DNAH14: variants seen among roughly 807,000 people sequenced by gnomAD.
The protein encoded by DNAH14 is axonemal beta dynein heavy chain 14.
DNAH14 carries 478 observed loss-of-function variants against 520.9 expected under a neutral mutation model. That is an observed-to-expected ratio of 0.92 (90% CI 0.85 to 0.99). The LOEUF is 0.99. DNAH14 is among the 50% of genes least tolerant of loss of function. The pLI is 0.00. For missense variants in DNAH14, 4,831 were observed against 5,234.5 expected (o/e 0.92, Z 2.38); for synonymous variants, 1,581 against 1,757.2 (o/e 0.90, Z 2.51).
chr1:225,237,389 G>C (rs1035659082), intron 42 of DNAH14, among the ~76,000 whole-genome samples: 2 of 152,078 alleles, frequency 1.3e-5, no homozygotes, highest in Non-Finnish European at 2.9e-5. Flanking sequence ...TAGTTTGACT[G>C]GATATGAAAT....
At chr1:225,331,992 T>C (rs2094808602) in intron 65 of DNAH14, among the ~76,000 whole-genome samples, 1 of 151,856 alleles carries the variant, frequency 6.6e-6, no homozygotes, top group Non-Finnish European at 1.5e-5. Flanking sequence ...TGAAAGTAAG[T>C]TTATTAAGAA....
intron 35 of DNAH14, among the ~76,000 whole-genome samples, chr1:225,167,113 G>T (rs1371503718): frequency 2.0e-5 from 3 of 152,166 alleles, no homozygotes; most frequent in Admixed American, 2.0e-4. Flanking sequence ...ACTTAAGAGA[G>T]CAATTCCATT....
chr1:225,343,497 G>A (rs2095234226), intron 69 of DNAH14, among the ~76,000 whole-genome samples: 1 of 152,062 alleles, frequency 6.6e-6, no homozygotes, highest in Non-Finnish European at 1.5e-5. Flanking sequence ...TCCAAAAAGA[G>A]ATATGTGTTA....
At chr1:225,078,925 G>A (rs1282425050) in intron 17 of DNAH14, among the ~76,000 whole-genome samples, 1 of 139,370 alleles carries the variant, frequency 7.2e-6, no homozygotes, top group Non-Finnish European at 1.5e-5. Flanking sequence ...GGTAAGATGT[G>A]CTTGCTTCCC....
chr1:225,159,840 T>C (rs1265145219), intron 35 of DNAH14, among the ~76,000 whole-genome samples: 1 of 152,192 alleles, frequency 6.6e-6, no homozygotes, highest in Non-Finnish European at 1.5e-5. Flanking sequence ...AAAACTTAAA[T>C]TGTAAATATT....
At chr1:225,284,935 A>G (rs1558264771) in intron 54 of DNAH14, among the ~76,000 whole-genome samples, 1 of 151,230 alleles carries the variant, frequency 6.6e-6, no homozygotes, top group Non-Finnish European at 1.5e-5. Flanking sequence ...ATCCAACACC[A>G]TTTTTTTTTA....
At chr1:225,040,164 C>T (rs923441269) in intron 12 of DNAH14, among the ~76,000 whole-genome samples, 2 of 151,948 alleles carry the variant, frequency 1.3e-5, no homozygotes, top group Non-Finnish European at 2.9e-5. Context: ...TGGTCTTGAT[C>T]TCCTGACCTC....
chr1:224,965,290 C>T (rs2061093412), intron 5 of DNAH14, among the ~76,000 whole-genome samples: 1 of 152,114 alleles, frequency 6.6e-6, no homozygotes, highest in South Asian at 2.1e-4. Context: ...ACTAGACATA[C>T]ACATTCTCAT....
intron 23 of DNAH14, among the ~76,000 whole-genome samples, chr1:225,105,649 T>C (rs561498515): frequency 2.6e-5 from 4 of 152,192 alleles, no homozygotes; most frequent in Non-Finnish European, 5.9e-5. Context: ...AATGGCCTTC[T>C]TTGTCTCCTT....
At chr1:225,397,125 A>G (rs2096022003) in intron 84 of DNAH14, 3 of 151,694 alleles carry the variant, frequency 2.0e-5, no homozygotes, top group South Asian at 2.1e-4. Context: ...CCCCTGCCTC[A>G]GCCTCCCGAG....
chr1:225,374,299 T>C (rs1198523843), intron 77 of DNAH14, among the ~76,000 whole-genome samples: 1 of 144,728 alleles, frequency 6.9e-6, no homozygotes. Flanking sequence ...TCTCACTCTG[T>C]CGCCCAGGCT....
intron 28 of DNAH14, among the ~76,000 whole-genome samples, chr1:225,143,621 A>G (rs931715859): frequency 6.6e-6 from 1 of 152,206 alleles, no homozygotes; most frequent in Admixed American, 6.5e-5. Flanking sequence ...AATTCTGAGA[A>G]GATATTGTAC....
intron 37 of DNAH14, among the ~76,000 whole-genome samples, chr1:225,190,494 T>G (rs962021047): frequency 6.6e-6 from 1 of 152,028 alleles, no homozygotes; most frequent in African/African-American, 2.4e-5. Flanking sequence ...TTCCATTTAA[T>G]ATTTTTGGAC....
At chr1:225,059,868 G>T (rs1219634475) in intron 17 of DNAH14, among the ~76,000 whole-genome samples, 1 of 152,220 alleles carries the variant, frequency 6.6e-6, no homozygotes, top group African/African-American at 2.4e-5. Flanking sequence ...ACTCTCTTCT[G>T]ACTTGCAGAG....
intron 12 of DNAH14, among the ~76,000 whole-genome samples, chr1:225,041,620 G>A (rs1036354760): frequency 6.6e-6 from 1 of 152,286 alleles, no homozygotes; most frequent in Admixed American, 6.5e-5. Flanking sequence ...TGCAATGAGA[G>A]TAATAATTTC....
Position 225,381,578 on chromosome 1 carries a change from A to G in DNAH14, c.13076A>G (p.Gln4359Arg). ...AATATGAGAGTGCCTACATTGTGGC[A>G]GGTAAGCAATTATTATTATTTCCTA... ...FLNMRVPTLW[Q>R]KHAYRSCKPL... Residue 4359 changes from glutamine to arginine, a missense_variant and splice_region_variant, in exon 81 of 86, where the codon CAG becomes CGG. Physicochemically the swap from Gln to Arg is conservative, Grantham distance 43. Transcript: ENST00000682510. The G allele has an allele frequency of 6.6e-7, 1 of 1,504,858 alleles. No homozygotes were observed. The highest frequency in any genetic ancestry group is 8.9e-7 in the Non-Finnish European group (1 of 1,128,154). 93.2% of individuals were successfully genotyped at this position (1,504,858 alleles called of 1,614,324 possible).
chr1:225,208,956 C>A (rs887630730), intron 41 of DNAH14, among the ~76,000 whole-genome samples: 1 of 152,040 alleles, frequency 6.6e-6, no homozygotes, highest in Non-Finnish European at 1.5e-5. Context: ...TTATAGTTTT[C>A]ATCTCTCTTC....
Position 225,377,279 on chromosome 1 carries a change from A to G in DNAH14, c.12559A>G (p.Ile4187Val). The G allele has an allele frequency of 2.0e-6, 3 of 1,526,988 alleles. No individual in the cohort carries two copies. Among genetic ancestry groups the G allele is most frequent in the Non-Finnish European group, 2.6e-6 (3 of 1,136,162 alleles). 94.6% of individuals were successfully genotyped at this position (1,526,988 alleles called of 1,614,324 possible). A position where few individuals can be genotyped will look rare whatever the true frequency, so the allele number is the denominator to read the frequency against. ...VPGSASIKDY[I>V]HIIQSLPDDD... ...AGGATCTGCAAGCATAAAGGACTAC[A>G]TACACATTATCCAGTCCTTACCTGA... Residue 4187 changes from isoleucine (I) to valine (V), a missense_variant, in exon 79 of 86, where the codon ATA (isoleucine) becomes GTA (valine). By Grantham distance (29) the Ile-to-Val change is conservative. Transcript: ENST00000682510.
Position 225,265,214 on chromosome 1 carries a change from A to C in DNAH14, c.7255A>C (p.Asn2419His). 1 of 1,505,862 alleles carries C rather than the reference A, an allele frequency of 6.6e-7. No homozygotes were observed. The highest frequency in any genetic ancestry group is 8.8e-7 in the Non-Finnish European group (1 of 1,132,532). 93.3% of individuals were successfully genotyped at this position (1,505,862 alleles called of 1,614,324 possible). Residue 2419 changes from asparagine (N) to histidine (H), a missense_variant, in exon 48 of 86, where the codon AAT becomes CAT. Transcript: ENST00000682510. ...CACTAAAAAGCCAGAAGTTAGAACT[A>C]ATAAAAAGTTACTTAAAAATAATGA... ...NPTKKPEVRT[N>H]KKLLKNNDHK...
Sources: gnomAD v4.1 joint callset for allele counts (sites outside exome capture counted in the v4.1 genomes callset) on GRCh38, gnomAD v4.1.1 for gene constraint, MANE v1.5 for transcripts, NCBI Gene and HGNC (gene_info 2026-07-23, HGNC 2026-07-21) for gene names.